RPL28: variants seen among roughly 807,000 people sequenced by gnomAD.
RPL28 encodes large ribosomal subunit protein eL28.
RPL28 carries 4 observed loss-of-function variants against 12.5 expected under a neutral mutation model. The observed-to-expected ratio is 0.32, with a 90% CI of 0.16 to 0.73. The LOEUF (loss-of-function observed/expected upper bound fraction) is 0.73. RPL28 is among the 30% of genes least tolerant of loss of function. The pLI is 0.66. For synonymous variants in RPL28, 91 were observed against 72.5 expected (o/e 1.26, Z -1.30); for missense variants, 214 against 197.7 (o/e 1.08, Z -0.49).
chr19:55,393,889 ATC>A (rs1355931621), downstream of RPL28, among the ~76,000 whole-genome samples: 4 of 151,868 alleles, frequency 2.6e-5, no homozygotes, highest in African/African-American at 9.7e-5. Flanking sequence ...ACCTCAGGTG[ATC>A]TGCCTGTGTT....
In RPL28 at chr19:55,390,985, A is replaced by G; in HGVS notation, c.*2653A>G. 1 of 984,290 alleles carries G rather than the reference A, an allele frequency of 1.0e-6. No individual in the cohort carries two copies. Among genetic ancestry groups the G allele is most frequent in the Non-Finnish European group, 1.2e-6 (1 of 828,828 alleles). The allele number at this position is 984,290 out of a possible 1,614,324, so 61.0% of individuals were successfully genotyped here. A position where few individuals can be genotyped will look rare whatever the true frequency, so the allele number is the denominator to read the frequency against. The stretch of plus-strand genomic sequence containing the variant: ...AAACCAGTTAAACCAAAAACATGAT[A>G]TTAAGAAAACAGGCAGGCTCACCAT... On this transcript the variant is annotated 3_prime_UTR_variant, in exon 5 of 5. Coordinates refer to ENST00000344063, the MANE Select transcript of RPL28 (RefSeq NM_000991.5).
Position 55,390,751 on chromosome 19 carries a change from A to G in RPL28, c.*2419A>G, listed in dbSNP as rs1372871025. The G allele has an allele frequency of 6.3e-5, 62 of 985,210 alleles. No homozygotes were observed. Among genetic ancestry groups the G allele is most frequent in the Non-Finnish European group, 6.5e-5 (54 of 829,948 alleles). The allele number at this position is 985,210 out of a possible 1,614,324, so 61.0% of individuals were successfully genotyped here. ...AGGCCACGTCTGGTATCTGAATGCT[A>G]TCGGTGGGTTGGGGTGGAGGAACCA... On this transcript the variant is annotated 3_prime_UTR_variant, in exon 5 of 5. Transcript: ENST00000344063.
chr19:55,387,458 A>G, intron 3 of RPL28: 1 of 1,495,568 alleles, frequency 6.7e-7, no homozygotes, highest in Non-Finnish European at 8.9e-7. Flanking sequence ...GGAGTCCTGA[A>G]AGCTTTCACC....
At chr19:55,403,289 A>T (rs2090074515), downstream of RPL28, 1 of 572,046 alleles carries the variant, frequency 1.7e-6, no homozygotes, top group Non-Finnish European at 3.1e-6. Flanking sequence ...CAGCTTTAGC[A>T]AAAAAGCCTC....
rs367828606 is a variant in RPL28, at chr19:55,388,235, G to A, written c.325-8G>A. On this transcript the variant is annotated splice_polypyrimidine_tract_variant and splice_region_variant and intron_variant, in intron 4 of 4. Coordinates refer to ENST00000344063, the MANE Select transcript of RPL28 (RefSeq NM_000991.5). ...GGGCTGAGCCTTGCTCTGCTCCCCC[G>A]CCCCCAGGCAGCCATCCGCAGGGCC... 10 of 1,529,294 alleles carry A rather than the reference G, an allele frequency of 6.5e-6. No homozygotes were observed. The highest frequency in any genetic ancestry group is 4.9e-5 in the East Asian group (2 of 40,836). 94.7% of individuals were successfully genotyped at this position (1,529,294 alleles called of 1,614,324 possible). A position where few individuals can be genotyped will look rare whatever the true frequency, so the allele number is the denominator to read the frequency against.
chr19:55,399,156 T>TTTTTCTTTTC (rs141233275), intron 4 of RPL28, among the ~76,000 whole-genome samples: 6 of 150,896 alleles, frequency 4.0e-5, no homozygotes, highest in African/African-American at 1.5e-4. Flanking sequence ...CTGGCTAATT[T>TTTTTCTTTTC]TTTTCTTTTC....
At chr19:55,393,037 C>G (rs1266242573), downstream of RPL28, among the ~76,000 whole-genome samples, 3 of 152,036 alleles carry the variant, frequency 2.0e-5, no homozygotes, top group East Asian at 5.8e-4. Flanking sequence ...CCCAGCACCC[C>G]TCTCCTCTGT....
At chr19:55,402,832 C>G in intron 4 of RPL28, 1 of 889,570 alleles carries the variant, frequency 1.1e-6, no homozygotes, top group Non-Finnish European at 1.7e-6. Context: ...GTCTGTTTAC[C>G]TTGGAGCTCA....
chr19:55,395,619 A>AT (rs748308912), downstream of RPL28, among the ~76,000 whole-genome samples: 3 of 149,984 alleles, frequency 2.0e-5, no homozygotes, highest in African/African-American at 4.9e-5. Flanking sequence ...AATTTTTTGT[A>AT]TTTTTAGTAG....
Position 55,389,461 on chromosome 19 carries a change from A to G in RPL28, c.*1129A>G. The G allele has an allele frequency of 1.0e-6, 1 of 985,220 alleles. No homozygotes were observed. The highest frequency in any genetic ancestry group is 1.2e-6 in the Non-Finnish European group (1 of 829,930). 61.0% of individuals were successfully genotyped at this position (985,220 alleles called of 1,614,324 possible). A position where few individuals can be genotyped will look rare whatever the true frequency, so the allele number is the denominator to read the frequency against. The stretch of plus-strand genomic sequence containing the variant: ...GGACCAAGGATCCAGCATCCATGGC[A>G]CCCCTGGTTCCTGCCATCCTGGGGT... On this transcript the variant is annotated 3_prime_UTR_variant, in exon 5 of 5. Coordinates refer to ENST00000344063, the MANE Select transcript of RPL28 (RefSeq NM_000991.5).
In RPL28 at chr19:55,391,625, C is replaced by A. The variant is rs1600308160; in HGVS notation, c.*3293C>A. ...TGCAACCTTGGGCAAGTTCCTCAAC[C>A]TCTCTGTGTCTTCGTACCCTCATCT... On this transcript the variant is annotated 3_prime_UTR_variant, in exon 5 of 5. Transcript: ENST00000344063. 4 of 1,545,828 alleles carry A rather than the reference C, an allele frequency of 2.6e-6. No homozygotes were observed. The East Asian group carries it at 7.3e-5, about 28-fold the overall frequency.
Position 55,390,510 on chromosome 19 carries a change from T to C in RPL28, c.*2178T>C. ...GCTCGAGGCTTTCTGATGTGGCTGC[T>C]GCTGCTCAGAAGGCCTTGTCCTTAA... is the stretch of plus-strand genomic sequence containing the variant. On this transcript the variant is annotated 3_prime_UTR_variant, in exon 5 of 5. Coordinates refer to ENST00000344063, the MANE Select transcript of RPL28 (RefSeq NM_000991.5). 1 of 985,528 alleles carries C rather than the reference T, an allele frequency of 1.0e-6. No individual in the cohort carries two copies. Among genetic ancestry groups the C allele is most frequent in the Non-Finnish European group, 1.2e-6 (1 of 830,000 alleles). The allele number at this position is 985,528 out of a possible 1,614,324, so 61.0% of individuals were successfully genotyped here.
In RPL28 at chr19:55,390,682, CTG is replaced by C; in HGVS notation, c.*2352_*2353del. ...TAACACAGCCCAGCTTAGTGGGCCT[CTG>C]TTCCTGCGGGTGGCCAGCCTGTCTG... On this transcript the variant is annotated 3_prime_UTR_variant, in exon 5 of 5. Transcript: ENST00000344063. 1 of 985,468 alleles carries C rather than the reference CTG, an allele frequency of 1.0e-6. No homozygotes were observed. Among genetic ancestry groups the C allele is most frequent in the Non-Finnish European group, 1.2e-6 (1 of 829,946 alleles). 61.0% of individuals were successfully genotyped at this position (985,468 alleles called of 1,614,324 possible).
chr19:55,393,683 A>G (rs1295615728), downstream of RPL28, among the ~76,000 whole-genome samples: 1 of 131,238 alleles, frequency 7.6e-6, no homozygotes, highest in Non-Finnish European at 1.5e-5. Context: ...CCCTGGCTGG[A>G]GTGCAATGGC....
At chr19:55,387,636 C>G in intron 3 of RPL28, 1 of 1,394,692 alleles carries the variant, frequency 7.2e-7, no homozygotes, top group African/African-American at 1.4e-5. Flanking sequence ...CTGGCTGGAC[C>G]TGGATCAGAT....
intron 3 of RPL28, 184 bp from the exon 4 acceptor site, chr19:55,387,746 G>A (rs559922755): frequency 1.2e-5 from 17 of 1,448,640 alleles, no homozygotes; most frequent in East Asian, 4.8e-5. Context: ...TCAGTACTCC[G>A]TGATGACGAG....
intron 4 of RPL28, among the ~76,000 whole-genome samples, chr19:55,398,319 G>A (rs2090036322): frequency 6.6e-6 from 1 of 152,226 alleles, no homozygotes; most frequent in African/African-American, 2.4e-5. Context: ...GAACCTCGAT[G>A]TAAATGAAAA....
chr19:55,389,380 CCTG>C lies in RPL28; in HGVS notation c.*1052_*1054del, dbSNP rs1394793792. On this transcript the variant is annotated 3_prime_UTR_variant, in exon 5 of 5. Coordinates refer to ENST00000344063, the MANE Select transcript of RPL28 (RefSeq NM_000991.5). ...AGTGAGGCCTGGATGGGGAAAGAGT[CCTG>C]CTGTTGATCCTCACATGTTTCCTGG... is the stretch of plus-strand genomic sequence containing the variant. 14 of 985,224 alleles carry C rather than the reference CCTG, an allele frequency of 1.4e-5. No homozygotes were observed. The highest frequency in any genetic ancestry group is 1.7e-5 in the Non-Finnish European group (14 of 829,950). 61.0% of individuals were successfully genotyped at this position (985,224 alleles called of 1,614,324 possible).
chr19:55,397,903 T>C (rs28454071), intron 4 of RPL28, among the ~76,000 whole-genome samples: 15,064 of 151,768 alleles, frequency 0.099, 1,167 homozygotes, highest in African/African-American at 0.2. Context: ...GAGTCAGAAA[T>C]GGGAATGTGA....
Sources: gnomAD v4.1 joint callset for allele counts (sites outside exome capture counted in the v4.1 genomes callset) on GRCh38, gnomAD v4.1.1 for gene constraint, MANE v1.5 for transcripts, NCBI Gene and HGNC (gene_info 2026-07-23, HGNC 2026-07-21) for gene names.